Variants in ASPSCR1 observed in about 807,000 individuals in gnomAD.
ASPSCR1 encodes ASPSCR1 tether for SLC2A4, UBX domain containing.
A neutral mutation model predicts 68.9 loss-of-function variants in ASPSCR1; 55 were observed. The observed-to-expected ratio is 0.80, with a 90% CI of 0.64 to 1.00. The LOEUF (loss-of-function observed/expected upper bound fraction) is 1.00. ASPSCR1 is among the 50% of genes least tolerant of loss of function. The pLI is 0.00. For synonymous variants in ASPSCR1, 352 were observed against 332.6 expected, an observed-to-expected ratio of 1.06 and a Z score of -0.63; for missense variants, 765 against 762.2, an observed-to-expected ratio of 1.00 and a Z score of -0.04.
rs1295326745 is a variant in ASPSCR1, at chr17:81,997,529, C to T, written c.933+683C>T. ...TTTGAGACAGAGTCTCACTGTGTCC[C>T]TAGGTGGGCGTACAGTGGCGCGATC... On this transcript the variant is annotated intron_variant, in intron 7 of 15. Coordinates refer to ENST00000306739, the MANE Select transcript of ASPSCR1 (RefSeq NM_024083.4). 2.0e-5 allele frequency among the ~76,000 whole-genome samples: 3 copies of T among 148,392 alleles called. No homozygotes were observed. The East Asian group carries it at 5.9e-4, about 29-fold the overall frequency.
At position 81,987,376 on chromosome 17, in the gene ASPSCR1, G is replaced by A. The variant is rs974028008; in HGVS notation, c.374+1769G>A. Among the ~76,000 whole-genome samples the A allele has an allele frequency of 6.6e-6, 1 of 152,220 alleles. No individual in the cohort carries two copies. Among genetic ancestry groups the A allele is most frequent in the Non-Finnish European group, 1.5e-5 (1 of 68,040 alleles). On this transcript the variant is annotated intron_variant, in intron 4 of 15. Coordinates refer to ENST00000306739, the MANE Select transcript of ASPSCR1 (RefSeq NM_024083.4). The surrounding 1 kb of genome is among the most constrained non-coding windows in gnomAD (Gnocchi z 5.6). ...AGACGAGAGTGGCAGAGGGCAAGAA[G>A]AAAACCAAACAGCGCGGGGAACAGA...
At chr17:82,005,606 C>T (rs1018291616) in intron 7 of ASPSCR1, 4 of 152,240 alleles carry the variant, frequency 2.6e-5, no homozygotes, top group Admixed American at 6.5e-5. Flanking sequence ...CCCTGCACTG[C>T]TGAGGTTTGG....
intron 4 of ASPSCR1, 94 bp downstream of exon 4, chr17:81,985,701 T>C: frequency 7.7e-7 from 1 of 1,302,736 alleles, no homozygotes; most frequent in Non-Finnish European, 1.1e-6. Context: ...ACACCCAAGC[T>C]CTGTGCTGGC....
At chr17:81,985,203 C>T (rs1251024426) in intron 3 of ASPSCR1, among the ~76,000 whole-genome samples, 2 of 150,548 alleles carry the variant, frequency 1.3e-5, no homozygotes, top group African/African-American at 4.9e-5. Flanking sequence ...CATCCACACA[C>T]ATACCTGCAC....
chr17:81,998,122 C>T (rs564996503), intron 7 of ASPSCR1, among the ~76,000 whole-genome samples: 1 of 152,236 alleles, frequency 6.6e-6, no homozygotes, highest in East Asian at 1.9e-4. Context: ...CCACCGCGCC[C>T]AGCCTAATTT....
intron 7 of ASPSCR1, among the ~76,000 whole-genome samples, chr17:82,001,028 C>T (rs1031545853): frequency 7.9e-5 from 12 of 152,236 alleles, no homozygotes; most frequent in African/African-American, 2.7e-4. Context: ...GAACCTTGCT[C>T]CTGGAGCCGG....
chr17:81,999,669 C>T lies in ASPSCR1; in HGVS notation c.933+2823C>T, dbSNP rs1006618621. On this transcript the variant is annotated intron_variant, in intron 7 of 15. Transcript: ENST00000306739. The surrounding 1 kb of genome is among the most constrained non-coding windows in gnomAD (Gnocchi z 4.4). The stretch of plus-strand genomic sequence containing the variant: ...AGAAAACAAGAAGTGGCCAGGAGGG[C>T]TCTGTGCACATGGCCCCGGCCTCGG... Among the ~76,000 whole-genome samples, 4 of 151,742 alleles carry T rather than the reference C, an allele frequency of 2.6e-5. No homozygotes were observed. The highest frequency in any genetic ancestry group is 4.4e-5 in the Non-Finnish European group (3 of 67,936).
chr17:82,001,043 T>C (rs2042512779), intron 7 of ASPSCR1, among the ~76,000 whole-genome samples: 1 of 152,178 alleles, frequency 6.6e-6, no homozygotes, highest in African/African-American at 2.4e-5. Context: ...AGCCGGGGCC[T>C]GGGGTTTCCT....
intron 11 of ASPSCR1, chr17:82,011,971 G>A: frequency 1.6e-6 from 1 of 621,634 alleles, no homozygotes; most frequent in Non-Finnish European, 2.9e-6. Context: ...TGTCTAGGTG[G>A]CAAAGGGTTA....
intron 4 of ASPSCR1, among the ~76,000 whole-genome samples, chr17:81,988,119 A>C (rs2042053427): frequency 6.7e-6 from 1 of 150,042 alleles, no homozygotes; most frequent in South Asian, 2.1e-4. Flanking sequence ...GATTGCACTC[A>C]GCCTGGGCAA....
At chr17:82,015,573 G>T in intron 12 of ASPSCR1, 1 of 641,062 alleles carries the variant, frequency 1.6e-6, no homozygotes, top group Non-Finnish European at 2.6e-6. Flanking sequence ...CTCTGAGGGA[G>T]CCCTCTCGCC....
At chr17:82,010,932 C>G (rs1422848707) in intron 10 of ASPSCR1, 64 bp downstream of exon 10, 1 of 1,569,726 alleles carries the variant, frequency 6.4e-7, no homozygotes, top group East Asian at 2.2e-5. Flanking sequence ...CTCCCGGCTC[C>G]TTCCTTCCAG....
rs1431151200 is a variant in ASPSCR1 at position 81,977,667 on chromosome 17, CG to C, written c.23del (p.Gly8GlufsTer17). On this transcript the variant is annotated frameshift_variant, in exon 1 of 16. Coordinates refer to ENST00000306739, the MANE Select transcript of ASPSCR1 (RefSeq NM_024083.4). LOFTEE classifies it high-confidence loss of function. The surrounding 1 kb of genome is among the most constrained non-coding windows in gnomAD (Gnocchi z 5.0). ...GGAAAATGGCGGCCCCGGCAGGCGGCGGAGGCTCCGCGGTGTCGGTGCTGGC... is the reference window on the plus strand; with the variant it reads ...GGAAAATGGCGGCCCCGGCAGGCGGCGAGGCTCCGCGGTGTCGGTGCTGGC... Reference protein sequence around the residue: MAAPAGGGGSAVSVLAPN... With the variant: MAAPAGGXGSAVSVLAPN... 3 of 1,396,120 alleles carry C rather than the reference CG, an allele frequency of 2.1e-6. No homozygotes were observed. The highest frequency in any genetic ancestry group is 2.8e-6 in the Non-Finnish European group (3 of 1,070,994). 86.5% of individuals were successfully genotyped at this position (1,396,120 alleles called of 1,614,324 possible). A position where few individuals can be genotyped will look rare whatever the true frequency, so the allele number is the denominator to read the frequency against.
intron 12 of ASPSCR1, chr17:82,015,026 G>A (rs911048394): frequency 1.1e-5 from 17 of 1,540,966 alleles, no homozygotes; most frequent in Middle Eastern, 1.7e-4. Context: ...GGCCCTTCCC[G>A]GGCCCTGCTC....
intron 2 of ASPSCR1, among the ~76,000 whole-genome samples, chr17:81,980,593 G>A (rs1033997150): frequency 1.1e-4 from 16 of 152,332 alleles, no homozygotes; most frequent in South Asian, 2.1e-4. Context: ...TCTCATAACC[G>A]GTTGCAGCTT....
At position 81,990,775 on chromosome 17, in the gene ASPSCR1, C is replaced by T. The variant is rs1454436604; in HGVS notation, c.375-4046C>T. Among the ~76,000 whole-genome samples, 1 of 152,182 alleles carries T rather than the reference C, an allele frequency of 6.6e-6. No individual in the cohort carries two copies. Among genetic ancestry groups the T allele is most frequent in the African/African-American group, 2.4e-5 (1 of 41,446 alleles). On this transcript the variant is annotated intron_variant, in intron 4 of 15. Coordinates refer to ENST00000306739, the MANE Select transcript of ASPSCR1 (RefSeq NM_024083.4). The surrounding 1 kb of genome is among the most constrained non-coding windows in gnomAD (Gnocchi z 4.1). Reference sequence around the variant, plus strand: ...AAGGGAGTACCTTTCTGACCAGCATCTTTGCTGGGGTACAGATTGTTATGC... The same window carrying T: ...AAGGGAGTACCTTTCTGACCAGCATTTTTGCTGGGGTACAGATTGTTATGC...
At chr17:82,012,478 T>A (rs149095241) in intron 12 of ASPSCR1, among the ~76,000 whole-genome samples, 195 bp downstream of exon 12, 1 of 152,292 alleles carries the variant, frequency 6.6e-6, no homozygotes, top group Non-Finnish European at 1.5e-5. Flanking sequence ...CGGCCTCCTC[T>A]GCTTCCTGCC....
chr17:81,991,905 G>T (rs1316153141), intron 4 of ASPSCR1, among the ~76,000 whole-genome samples: 1 of 152,270 alleles, frequency 6.6e-6, no homozygotes, highest in Non-Finnish European at 1.5e-5. Context: ...CTTGTCCCCA[G>T]CACACAGCCG....
At chr17:81,991,542 CCCGTCCCTGT>C (rs1214306829) in intron 4 of ASPSCR1, among the ~76,000 whole-genome samples, 3 of 152,172 alleles carry the variant, frequency 2.0e-5, no homozygotes, top group Non-Finnish European at 4.4e-5. Context: ...AGCTCTGCGG[CCCGTCCCTGT>C]CCATCCCTGC....
Sources: allele counts gnomAD v4.1 joint callset (sites outside exome capture counted in the v4.1 genomes callset), GRCh38; gene constraint gnomAD v4.1.1; non-coding constraint Gnocchi (gnomAD v3.1); transcripts MANE v1.5; gene names NCBI Gene and HGNC (gene_info 2026-07-23, HGNC 2026-07-21).